The following LEMD1 variants were observed in gnomAD, a reference collection of about 807,000 sequenced individuals.
LEMD1 encodes LEM domain containing 1.
A neutral mutation model predicts 17.4 loss-of-function variants in LEMD1; 18 were observed. The ratio of observed to expected loss-of-function variants is 1.04; its 90% CI spans 0.72 to 1.54. The LOEUF (loss-of-function observed/expected upper bound fraction) is 1.54, where lower values mean the gene tolerates loss of function less well. LEMD1 is among the 40% of genes most tolerant of loss of function. LEMD1 has a pLI of 0.00. For synonymous variants in LEMD1, 88 were observed against 77.8 expected, an observed-to-expected ratio of 1.13 and a Z score of -0.69; for missense variants, 195 against 210.4, an observed-to-expected ratio of 0.93 and a Z score of 0.45.
intron 1 of LEMD1, among the ~76,000 whole-genome samples, chr1:205,431,739 A>C (rs1666127798): frequency 6.6e-6 from 1 of 151,546 alleles, no homozygotes; most frequent in African/African-American, 2.4e-5. Flanking sequence ...TTTTTTTGAG[A>C]CTGAGTCTTG....
chr1:205,384,368 A>T lies in LEMD1; in HGVS notation c.271-4T>A. ...TAGTGGTGGAAGCCTCAGGCCACTG[A>T]TAAACAGAAAGAAAATGTCAAGAGG... On this transcript the variant is annotated splice_polypyrimidine_tract_variant and splice_region_variant and intron_variant, in intron 4 of 5. Coordinates refer to ENST00000367153, the MANE Select transcript of LEMD1 (RefSeq NM_001199050.2). The T allele has an allele frequency of 6.7e-7, 1 of 1,494,774 alleles. No individual in the cohort carries two copies. Among genetic ancestry groups the T allele is most frequent in the Admixed American group, 2.4e-5 (1 of 40,920 alleles). The allele number at this position is 1,494,774 out of a possible 1,614,324, so 92.6% of individuals were successfully genotyped here.
chr1:205,382,170 T>TAA, intron 5 of LEMD1: 3 of 232,438 alleles, frequency 1.3e-5, no homozygotes, highest in East Asian at 9.7e-5. Flanking sequence ...CCCAGCTAAT[T>TAA]AAAAAAAAAA....
At chr1:205,411,814 G>C (rs1665466975) in intron 4 of LEMD1, among the ~76,000 whole-genome samples, 1 of 152,176 alleles carries the variant, frequency 6.6e-6, no homozygotes, top group South Asian at 2.1e-4. Flanking sequence ...TGCAGGCTGG[G>C]AGAACAGAGT....
At chr1:205,416,080 A>G (rs964640701) in intron 4 of LEMD1, among the ~76,000 whole-genome samples, 152 bp downstream of exon 4, 1 of 152,140 alleles carries the variant, frequency 6.6e-6, no homozygotes, top group African/African-American at 2.4e-5. Context: ...TCATACAGAA[A>G]TCTGCATTAA....
chr1:205,399,416 TG>T (rs1265245733), intron 4 of LEMD1, among the ~76,000 whole-genome samples: 1 of 152,216 alleles, frequency 6.6e-6, no homozygotes, highest in African/African-American at 2.4e-5. Flanking sequence ...GAGATGTATG[TG>T]TGTATACGTA....
chr1:205,418,456 T>C (rs1574993009), intron 3 of LEMD1, among the ~76,000 whole-genome samples: 1 of 152,254 alleles, frequency 6.6e-6, no homozygotes, highest in East Asian at 1.9e-4. Flanking sequence ...CCAGCTGCTG[T>C]CAGTTGTCAT....
intron 1 of LEMD1, among the ~76,000 whole-genome samples, chr1:205,433,263 C>T (rs1666152878): frequency 6.6e-6 from 1 of 152,154 alleles, no homozygotes; most frequent in African/African-American, 2.4e-5. Context: ...TCGAGACCAG[C>T]CTGACCAACA....
At chr1:205,382,170 TA>T (rs1030994613) in intron 5 of LEMD1, 2,675 of 229,550 alleles carry the variant, frequency 0.012, 2 homozygotes, top group Middle Eastern at 0.024. Flanking sequence ...CCCAGCTAAT[TA>T]AAAAAAAAAA....
intron 4 of LEMD1, among the ~76,000 whole-genome samples, chr1:205,402,934 C>A (rs1266756732): frequency 6.6e-6 from 1 of 151,854 alleles, no homozygotes; most frequent in Non-Finnish European, 1.5e-5. Context: ...TTGTCAAAGG[C>A]CTTTTCTGCA....
intron 1 of LEMD1, chr1:205,437,539 C>T (rs1445534637): frequency 2.0e-5 from 3 of 152,258 alleles, no homozygotes; most frequent in South Asian, 4.1e-4. Flanking sequence ...TTGCCTTTCC[C>T]TCTCACTCCC....
chr1:205,436,075 C>G (rs1297172556), intron 1 of LEMD1: 1 of 152,284 alleles, frequency 6.6e-6, no homozygotes, highest in Non-Finnish European at 1.5e-5. Context: ...CTGGGAGAGT[C>G]CTGAGGATCT....
intron 5 of LEMD1, chr1:205,382,098 C>A: frequency 2.0e-6 from 1 of 508,082 alleles, no homozygotes; most frequent in Admixed American, 3.4e-5. Flanking sequence ...ACCTCCTGGG[C>A]TCAAGACATC....
upstream of LEMD1, among the ~76,000 whole-genome samples, chr1:205,423,324 G>C (rs931850799): frequency 1.3e-5 from 2 of 152,212 alleles, no homozygotes; most frequent in African/African-American, 4.8e-5. Context: ...CAAAGACTTT[G>C]AAAATTGACA....
At chr1:205,391,102 C>T (rs1016959657) in intron 4 of LEMD1, among the ~76,000 whole-genome samples, 1 of 151,814 alleles carries the variant, frequency 6.6e-6, no homozygotes, top group Non-Finnish European at 1.5e-5. Flanking sequence ...TTAAAAATAC[C>T]GATGTATATA....
chr1:205,430,796 C>T (rs1229072654), intron 1 of LEMD1, among the ~76,000 whole-genome samples: 3 of 152,362 alleles, frequency 2.0e-5, no homozygotes, highest in Admixed American at 2.0e-4. Context: ...CCTCCCTCCG[C>T]AGTGGGGCGC....
intron 4 of LEMD1, among the ~76,000 whole-genome samples, chr1:205,403,943 C>T (rs1223230584): frequency 1.3e-5 from 2 of 151,970 alleles, no homozygotes; most frequent in African/African-American, 2.4e-5. Flanking sequence ...TTATTTCTGC[C>T]TTCATTTTGT....
Position 205,444,954 on chromosome 1 carries a change from C to T in LEMD1, c.-39+4914G>A, listed in dbSNP as rs545122614. Among the ~76,000 whole-genome samples, 155 of 151,214 alleles carry T rather than the reference C, an allele frequency of 1.0e-3. 1 individual carries two copies. Among genetic ancestry groups the T allele is most frequent in the African/African-American group, 3.6e-3 (150 of 41,126 alleles). On this transcript the variant is annotated intron_variant, in intron 1 of 3. Transcript: ENST00000367154. Reference sequence around the variant, plus strand: ...CCCAGTAAGGAGGGTGTGCCCTCGACGCCTCTAGAACAAAGCTGAGCCCTC... The same window carrying T: ...CCCAGTAAGGAGGGTGTGCCCTCGATGCCTCTAGAACAAAGCTGAGCCCTC...
chr1:205,426,818 C>T (rs925230694), upstream of LEMD1, among the ~76,000 whole-genome samples: 3 of 152,098 alleles, frequency 2.0e-5, no homozygotes, highest in African/African-American at 4.8e-5. Flanking sequence ...TCCTGGAGGC[C>T]TCTAAAGAAG....
In LEMD1 at chr1:205,448,255, G is replaced by T; in HGVS notation, c.-39+1613C>A. ...AGCCTCCTTCTGGTGCCCCTTGGTGGCTGGCTCCGAACCTGGTCCCATGGG... is the reference window on the plus strand; with the variant it reads ...AGCCTCCTTCTGGTGCCCCTTGGTGTCTGGCTCCGAACCTGGTCCCATGGG... On this transcript the variant is annotated intron_variant, in intron 1 of 3. Coordinates refer to the LEMD1 transcript ENST00000367154. This position sits in a 1 kb window ranked among gnomAD's most constrained non-coding sequence, Gnocchi z 4.7. 1 of 504,054 alleles carries T rather than the reference G, an allele frequency of 2.0e-6. No individual in the cohort carries two copies. The allele number at this position is 504,054 out of a possible 1,614,324, so 31.2% of individuals were successfully genotyped here.
Sources: gnomAD v4.1 joint callset for allele counts (sites outside exome capture counted in the v4.1 genomes callset) on GRCh38, gnomAD v4.1.1 for gene constraint, Gnocchi (gnomAD v3.1) non-coding constraint, MANE v1.5 for transcripts, NCBI Gene and HGNC (gene_info 2026-07-23, HGNC 2026-07-21) for gene names.